ANAPC4: variants seen among roughly 807,000 people sequenced by gnomAD.
ANAPC4 encodes the protein anaphase promoting complex subunit 4.
ANAPC4 carries 63 observed loss-of-function variants against 119.8 expected under a neutral mutation model. The observed-to-expected ratio is 0.53, with a 90% CI of 0.43 to 0.65. The LOEUF (loss-of-function observed/expected upper bound fraction) is 0.65, where lower values mean the gene tolerates loss of function less well. Ranked by LOEUF, ANAPC4 falls within the 30% of genes least tolerant of loss-of-function variation. The pLI is 0.00. For missense variants in ANAPC4, 716 were observed against 945.1 expected, an observed-to-expected ratio of 0.76 and a Z score of 3.18; for synonymous variants, 283 against 318.6, an observed-to-expected ratio of 0.89 and a Z score of 1.19.
intron 3 of ANAPC4, among the ~76,000 whole-genome samples, chr4:25,381,559 A>G (rs985088451): frequency 6.6e-6 from 1 of 152,148 alleles, no homozygotes; most frequent in Admixed American, 6.5e-5. Context: ...TGATTCGCCT[A>G]CCTTGGCCTA....
intron 4 of ANAPC4, among the ~76,000 whole-genome samples, 178 bp downstream of exon 4, chr4:25,383,571 A>C (rs1166724115): frequency 6.6e-6 from 1 of 151,800 alleles, no homozygotes; most frequent in African/African-American, 2.4e-5. Context: ...TCCGATAAAC[A>C]TCTATAGGCA....
In ANAPC4 at chr4:25,418,318, C is replaced by G; in HGVS notation, c.2363C>G (p.Ala788Gly). Residue 788 changes from alanine to glycine, a missense_variant, in exon 29 of 29, where the codon GCT becomes GGT. Ala to Gly is a moderately conservative substitution (Grantham distance 60). Around this residue, in one of 3 missense-constraint regions of ANAPC4, gnomAD observed 504 missense variants for 615.8 expected, o/e 0.82. Transcript: ENST00000315368. ...GAGGCAGAGAACCAACAAGCTGGTG[C>G]TGCCGCTTTAGCTCCAGAGATAGTC... ...ESEAENQQAGAAALAPEIVIK... is the reference protein window; with the variant it reads ...ESEAENQQAGGAALAPEIVIK... 3 of 1,614,030 alleles carry G rather than the reference C, an allele frequency of 1.9e-6. No homozygotes were observed. Among genetic ancestry groups the G allele is most frequent in the Non-Finnish European group, 2.5e-6 (3 of 1,179,950 alleles).
intron 9 of ANAPC4, among the ~76,000 whole-genome samples, chr4:25,391,669 C>G (rs565837055): frequency 1.3e-5 from 2 of 152,146 alleles, no homozygotes; most frequent in African/African-American, 4.8e-5. Flanking sequence ...GCCAAGAAAT[C>G]GAAAATTTTC....
In ANAPC4 at chr4:25,417,938, A is replaced by G; in HGVS notation, c.2199+199A>G. 2 of 854,502 alleles carry G rather than the reference A, an allele frequency of 2.3e-6. 1 individual carries two copies. The highest frequency in any genetic ancestry group is 3.9e-5 in the South Asian group (2 of 51,390). 52.9% of individuals were successfully genotyped at this position (854,502 alleles called of 1,614,324 possible). On this transcript the variant is annotated intron_variant, in intron 28 of 28. Transcript: ENST00000315368. ...TCTGATAAAGCTTACTAAGTAGTTA[A>G]TAATAATACTAGATTTTAATCTCAC... is the stretch of plus-strand genomic sequence containing the variant.
intron 17 of ANAPC4, 89 bp downstream of exon 17, chr4:25,403,115 A>G: frequency 1.0e-6 from 1 of 996,872 alleles, no homozygotes; most frequent in African/African-American, 1.7e-5. Context: ...AATCTAGTAC[A>G]ATTTCAAATA....
chr4:25,415,522 C>T lies in ANAPC4; in HGVS notation c.1883C>T (p.Thr628Ile), dbSNP rs1577403620. The T allele has an allele frequency of 6.2e-7, 1 of 1,612,426 alleles. No individual in the cohort carries two copies. Among genetic ancestry groups the T allele is most frequent in the East Asian group, 2.2e-5 (1 of 44,770 alleles). The change falls in exon 26 of 29, where the codon ACA becomes ATA. Residue 628 changes from threonine to isoleucine, a missense_variant. Transcript: ENST00000315368. ...TTTGGGAGCTTTACATATGCCACAA[C>T]AGAAAAAGTCAGAAGAAGGTAAGTC... Reference protein sequence around the residue: ...IKFGSFTYATTEKVRRSIYSC... With the variant: ...IKFGSFTYATIEKVRRSIYSC...
Position 25,390,261 on chromosome 4 carries a change from C to A in ANAPC4, c.600+41C>A. On this transcript the variant is annotated intron_variant, in intron 8 of 28. Transcript: ENST00000315368. ...CATTTTCTCTTCCTAAATTATTTCT[C>A]TTAGAATATACTAGGTACTTATGGA... 3 of 1,447,124 alleles carry A rather than the reference C, an allele frequency of 2.1e-6. No homozygotes were observed. In the South Asian group the frequency reaches 3.5e-5, roughly 17 times the overall value. The allele number at this position is 1,447,124 out of a possible 1,614,324, so 89.6% of individuals were successfully genotyped here.
At chr4:25,391,053 T>TCCCAGCTACTCAGGAGGCTGAGGTGG in intron 9 of ANAPC4, 38 bp downstream of exon 9, 1 of 1,429,176 alleles carries the variant, frequency 7.0e-7, no homozygotes, top group Admixed American at 1.7e-5. Flanking sequence ...AGAGTAAATA[T>TCCCAGCTACTCAGGAGGCTGAGGTGG]GTATTTAACA....
At chr4:25,392,444 A>G in intron 10 of ANAPC4, 23 bp downstream of exon 10, 1 of 1,564,790 alleles carries the variant, frequency 6.4e-7, no homozygotes, top group Non-Finnish European at 8.8e-7. Flanking sequence ...AGCTTGTTTT[A>G]TGTGAATATT....
chr4:25,377,284 C>CGGCAGAGGGAGGGGAGAG lies in ANAPC4; in HGVS notation c.-69_-52dup. On this transcript the variant is annotated 5_prime_UTR_variant, in exon 1 of 29. Transcript: ENST00000315368. Reference sequence around the variant, plus strand: ...CGGCCTGGAGGCTGTGGCGCGCGGCCGGCAGAGGGAGGGGAGAGGCCACTG... The same window carrying CGGCAGAGGGAGGGGAGAG: ...CGGCCTGGAGGCTGTGGCGCGCGGCCGGCAGAGGGAGGGGAGAGGGCAGAGGGAGGGGAGAGGCCACTG... The CGGCAGAGGGAGGGGAGAG allele has an allele frequency of 8.5e-7, 1 of 1,175,850 alleles. No individual in the cohort carries two copies. The highest frequency in any genetic ancestry group is 1.1e-6 in the Non-Finnish European group (1 of 869,892). The allele number at this position is 1,175,850 out of a possible 1,614,324, so 72.8% of individuals were successfully genotyped here.
At chr4:25,394,962 C>G (rs2109123999) in intron 14 of ANAPC4, 57 bp downstream of exon 14, 1 of 1,294,406 alleles carries the variant, frequency 7.7e-7, no homozygotes, top group Middle Eastern at 1.9e-4. Flanking sequence ...TGGCGTTGGC[C>G]TTCTTTCCGC....
At chr4:25,381,669 G>T (rs982359511) in intron 3 of ANAPC4, among the ~76,000 whole-genome samples, 1 of 152,116 alleles carries the variant, frequency 6.6e-6, no homozygotes, top group African/African-American at 2.4e-5. Context: ...AATTCCCTAG[G>T]TGGGGCATGG....
Position 25,402,108 on chromosome 4 carries a change from T to A in ANAPC4, c.1215-863T>A, listed in dbSNP as rs567955327. Among the ~76,000 whole-genome samples, 6 of 152,304 alleles carry A rather than the reference T, an allele frequency of 3.9e-5. No homozygotes were observed. The East Asian group carries it at 9.6e-4, about 24-fold the overall frequency. On this transcript the variant is annotated intron_variant, in intron 16 of 28. Coordinates refer to ENST00000315368, the MANE Select transcript of ANAPC4 (RefSeq NM_013367.3). The stretch of plus-strand genomic sequence containing the variant: ...ATTGACTGCACAAAGGAACTTTTTT[T>A]CTTTCTCTTATCATTGCTGCAAGAG...
chr4:25,394,626 T>G, intron 12 of ANAPC4, 45 bp from the exon 13 acceptor site: 1 of 1,544,156 alleles, frequency 6.5e-7, no homozygotes, highest in Non-Finnish European at 8.7e-7. Context: ...TGCATTCAGA[T>G]TTCCAATAGA....
chr4:25,392,193 A>G (rs1722384460), intron 9 of ANAPC4, 145 bp from the exon 10 acceptor site: 3 of 612,234 alleles, frequency 4.9e-6, no homozygotes, highest in African/African-American at 1.8e-5. Context: ...TCCTAAGGCT[A>G]TGTGCTGTTT....
In ANAPC4 at chr4:25,386,668, C is replaced by T. The variant is rs879713863; in HGVS notation, c.369-1832C>T. Among the ~76,000 whole-genome samples the T allele has an allele frequency of 2.0e-5, 3 of 152,114 alleles. No individual in the cohort carries two copies. The South Asian group carries it at 6.2e-4, about 32-fold the overall frequency. ...TTCAAAATGTGACACAGAAGTACAA[C>T]GTGAGCACATGGCTGCTGGAAAAAG... On this transcript the variant is annotated intron_variant, in intron 4 of 28. Transcript: ENST00000315368.
chr4:25,391,013 C>T lies in ANAPC4; in HGVS notation c.703C>T (p.Gln235Ter). 1 of 1,603,212 alleles carries T rather than the reference C, an allele frequency of 6.2e-7. No homozygotes were observed. Among genetic ancestry groups the T allele is most frequent in the Admixed American group, 1.7e-5 (1 of 59,968 alleles). ...TGGTGCTTCAGAAGTTTCATACTTT[C>T]AGGTGAGTATTGGAACTTGATAACG... ...TNGASEVSYFQLETNLLYSFL... is the reference protein window; with the variant it reads ...TNGASEVSYF The change falls in exon 9 of 29, where the codon CAG (glutamine) becomes TAG (stop). Residue 235 changes from glutamine (Q) to a stop codon, truncating the protein, a stop_gained and splice_region_variant. Transcript: ENST00000315368. LOFTEE classifies it high-confidence loss of function.
At chr4:25,389,028 T>A in intron 7 of ANAPC4, 146 bp downstream of exon 7, 1 of 708,346 alleles carries the variant, frequency 1.4e-6, no homozygotes, top group Non-Finnish European at 2.3e-6. Flanking sequence ...GGAGTCTCTG[T>A]CACCCAGGCT....
chr4:25,383,411 T>G lies in ANAPC4; in HGVS notation c.368+18T>G. Reference sequence around the variant, plus strand: ...GAAAGCAGGTAATTAGAAAAACTTATGTAGTCATAGGGTATTCATGAGATT... The same window carrying G: ...GAAAGCAGGTAATTAGAAAAACTTAGGTAGTCATAGGGTATTCATGAGATT... On this transcript the variant is annotated intron_variant, in intron 4 of 28. Coordinates refer to ENST00000315368, the MANE Select transcript of ANAPC4 (RefSeq NM_013367.3). 6.9e-6 allele frequency: 11 copies of G among 1,596,758 alleles called. No individual in the cohort carries two copies. Among genetic ancestry groups the G allele is most frequent in the African/African-American group, 1.4e-5 (1 of 73,936 alleles).
Sources: allele counts gnomAD v4.1 joint callset (sites outside exome capture counted in the v4.1 genomes callset), GRCh38; gene constraint gnomAD v4.1.1; regional missense constraint gnomAD v4.1.1; transcripts MANE v1.5; gene names NCBI Gene and HGNC (gene_info 2026-07-23, HGNC 2026-07-21).